The following DHX57 variants were observed in gnomAD, a reference collection of about 807,000 sequenced individuals.
The protein encoded by DHX57 is putative ATP-dependent RNA helicase DHX57.
In DHX57, 105 loss-of-function variants were observed where a neutral mutation model predicts 156.2. The ratio of observed to expected loss-of-function variants is 0.67; its 90% CI spans 0.57 to 0.79. The LOEUF is 0.79. Among genes scored for constraint, DHX57 ranks in the 30% least tolerant of loss-of-function variants. The pLI is 0.00. For synonymous variants in DHX57, 704 were observed against 595.6 expected (o/e 1.18, Z -2.65); for missense variants, 1,847 against 1,661.9 (o/e 1.11, Z -1.94).
intron 13 of DHX57, 81 bp downstream of exon 13, chr2:38,837,750 A>C (rs1042895143): frequency 1.0e-4 from 83 of 826,524 alleles, no homozygotes; most frequent in South Asian, 7.1e-4. Context: ...CATGTAATTC[A>C]AGCACTCATG....
At chr2:38,820,299 T>C (rs1670746057) in intron 17 of DHX57, among the ~76,000 whole-genome samples, 1 of 152,030 alleles carries the variant, frequency 6.6e-6, no homozygotes, top group Admixed American at 6.6e-5. Flanking sequence ...TGGCCAAGGA[T>C]GACATCAATA....
At chr2:38,798,758 A>G (rs902736904) in intron 23 of DHX57, among the ~76,000 whole-genome samples, 5 of 151,738 alleles carry the variant, frequency 3.3e-5, no homozygotes, top group African/African-American at 1.2e-4. Context: ...AGGCTGGCCA[A>G]CATGGTGAAA....
chr2:38,815,788 G>C (rs565413368), intron 19 of DHX57, 133 bp from the exon 20 acceptor site: 3 of 1,084,882 alleles, frequency 2.8e-6, no homozygotes, highest in Non-Finnish European at 3.9e-6. Context: ...CATTCCTCAG[G>C]TATGAAGAGG....
At chr2:38,832,556 T>A (rs965224821) in intron 13 of DHX57, among the ~76,000 whole-genome samples, 10 of 151,260 alleles carry the variant, frequency 6.6e-5, no homozygotes, top group Admixed American at 1.3e-4. Flanking sequence ...TATATATTTT[T>A]TTTTTTAGAG....
At chr2:38,804,609 C>T (rs1013458639) in intron 22 of DHX57, among the ~76,000 whole-genome samples, 2 of 152,128 alleles carry the variant, frequency 1.3e-5, no homozygotes, top group African/African-American at 2.4e-5. Flanking sequence ...GCTACCAGGT[C>T]CACCCAGCCC....
chr2:38,872,678 T>C (rs910042885), intron 1 of DHX57, among the ~76,000 whole-genome samples: 1 of 152,134 alleles, frequency 6.6e-6, no homozygotes, highest in Admixed American at 6.5e-5. Flanking sequence ...CAGGAAATGA[T>C]AACAATTAAA....
At chr2:38,819,914 C>G (rs1670726681) in intron 17 of DHX57, among the ~76,000 whole-genome samples, 1 of 152,130 alleles carries the variant, frequency 6.6e-6, no homozygotes, top group Admixed American at 6.6e-5. Flanking sequence ...CTTCCTTTTC[C>G]CTACAAATGT....
At chr2:38,812,258 A>G (rs1279427464) in intron 21 of DHX57, among the ~76,000 whole-genome samples, 1 of 102,474 alleles carries the variant, frequency 9.8e-6, no homozygotes, top group Non-Finnish European at 2.4e-5. Context: ...ACTACAAAGC[A>G]CAAACAATTT....
intron 15 of DHX57, 84 bp downstream of exon 15, chr2:38,826,432 T>C: frequency 1.4e-6 from 2 of 1,467,194 alleles, no homozygotes; most frequent in Non-Finnish European, 1.9e-6. Flanking sequence ...TCCGTGTAGC[T>C]TAATAGCATT....
At position 38,865,349 on chromosome 2, in the gene DHX57, A is replaced by G. The variant is rs148044984; in HGVS notation, c.225-1830T>C. Reference sequence around the variant, plus strand: ...TTCTCACGAGATCTGATGGTTTTATAAGGGGTGTCCCCCTTTACTTGGCTC... The same window carrying G: ...TTCTCACGAGATCTGATGGTTTTATGAGGGGTGTCCCCCTTTACTTGGCTC... On this transcript the variant is annotated intron_variant, in intron 2 of 23. Transcript: ENST00000457308. 1.0e-3 allele frequency among the ~76,000 whole-genome samples: 155 copies of G among 152,172 alleles called. 1 individual carries two copies. In the East Asian group the frequency reaches 0.027, roughly 27 times the overall value.
At chr2:38,809,661 C>A (rs1450601443) in intron 21 of DHX57, among the ~76,000 whole-genome samples, 1 of 151,872 alleles carries the variant, frequency 6.6e-6, no homozygotes, top group Non-Finnish European at 1.5e-5. Context: ...GACAGGGTTT[C>A]ACCATATTGG....
intron 1 of DHX57, among the ~76,000 whole-genome samples, chr2:38,874,535 G>C (rs943947426): frequency 6.7e-6 from 1 of 149,966 alleles, no homozygotes; most frequent in Non-Finnish European, 1.5e-5. Context: ...TCAGCCTCCT[G>C]AGTAGCTGGG....
chr2:38,819,253 C>T, intron 17 of DHX57, 109 bp from the exon 18 acceptor site: 1 of 926,962 alleles, frequency 1.1e-6, no homozygotes, highest in Non-Finnish European at 1.7e-6. Context: ...TAGCCCACTG[C>T]AACCTTTATC....
chr2:38,826,153 C>A, intron 15 of DHX57, 106 bp from the exon 16 acceptor site: 4 of 1,167,632 alleles, frequency 3.4e-6, no homozygotes, highest in Non-Finnish European at 4.8e-6. Flanking sequence ...TAGAGGGACA[C>A]AGTGCCCTGT....
chr2:38,826,519 T>C lies in DHX57; in HGVS notation c.2810A>G (p.Lys937Arg). The change falls in exon 15 of 24, where the codon AAG becomes AGG. Residue 937 changes from lysine to arginine, a missense_variant. By Grantham distance (26) the Lys-to-Arg change is conservative. Coordinates refer to ENST00000457308, the MANE Select transcript of DHX57 (RefSeq NM_198963.3). ...YVIDSGKMKEKRYDASKGMES... is the reference protein window; with the variant it reads ...YVIDSGKMKERRYDASKGMES... ...ACATCACCACAAGACGGAATACCTC[T>C]TTTCTTTCATTTTCCCAGAATCGAT... 6.2e-7 allele frequency: 1 copy of C among 1,613,718 alleles called. No individual in the cohort carries two copies. Among genetic ancestry groups the C allele is most frequent in the Non-Finnish European group, 8.5e-7 (1 of 1,179,696 alleles).
Position 38,825,858 on chromosome 2 carries a change from CT to C in DHX57, c.3002del (p.Gln1001ArgfsTer4). 1.2e-6 allele frequency: 2 copies of C among 1,614,158 alleles called. No individual in the cohort carries two copies. The highest frequency in any genetic ancestry group is 1.7e-6 in the Non-Finnish European group (2 of 1,180,014). The part of the protein sequence containing the change: ...LPEIQRVPLE[Q>X]LCLRIKILEM... ...AAACCAGATGTCACCTTAGACACAGCTGTTCCAATGGCACTCTTTGTATTTC... is the reference window on the plus strand; with the variant it reads ...AAACCAGATGTCACCTTAGACACAGCGTTCCAATGGCACTCTTTGTATTTC... On this transcript the variant is annotated frameshift_variant, in exon 16 of 24. Coordinates refer to ENST00000457308, the MANE Select transcript of DHX57 (RefSeq NM_198963.3). LOFTEE classifies it high-confidence loss of function.
chr2:38,827,344 T>A (rs1671139096), intron 14 of DHX57, among the ~76,000 whole-genome samples: 1 of 149,906 alleles, frequency 6.7e-6, no homozygotes, highest in Admixed American at 6.7e-5. Flanking sequence ...TATTCTTCCT[T>A]TAAATACAAG....
intron 9 of DHX57, among the ~76,000 whole-genome samples, chr2:38,852,025 T>C (rs1257892508): frequency 6.6e-6 from 1 of 152,140 alleles, no homozygotes; most frequent in Non-Finnish European, 1.5e-5. Context: ...ATTTAATATT[T>C]ATTATTGTCT....
chr2:38,800,633 G>A (rs1669638295), intron 23 of DHX57, among the ~76,000 whole-genome samples: 1 of 152,182 alleles, frequency 6.6e-6, no homozygotes, highest in Non-Finnish European at 1.5e-5. Flanking sequence ...ATTGGTTTAG[G>A]AGGGGAGCTT....
Sources: gnomAD v4.1 joint callset for allele counts (sites outside exome capture counted in the v4.1 genomes callset) on GRCh38, gnomAD v4.1.1 for gene constraint, MANE v1.5 for transcripts, NCBI Gene and HGNC (gene_info 2026-07-23, HGNC 2026-07-21) for gene names.